Variants in LAMA4 observed in about 807,000 individuals in gnomAD.
LAMA4 encodes laminin subunit alpha-4.
A neutral mutation model predicts 207.1 loss-of-function variants in LAMA4; 127 were observed. The observed-to-expected ratio is 0.61, with a 90% CI of 0.53 to 0.71. LAMA4 has a LOEUF of 0.71. LAMA4 is among the 30% of genes least tolerant of loss of function. The pLI is 0.00. For missense variants in LAMA4, 2,093 were observed against 2,246.5 expected (o/e 0.93, Z 1.38); for synonymous variants, 761 against 816.0 (o/e 0.93, Z 1.15).
chr6:112,202,964 G>A (rs552043411), intron 4 of LAMA4, among the ~76,000 whole-genome samples: 2 of 152,210 alleles, frequency 1.3e-5, no homozygotes, highest in South Asian at 2.1e-4. Flanking sequence ...TAACTGGAGC[G>A]ATTTCCATAG....
chr6:112,210,405 G>C (rs979457586), intron 3 of LAMA4, among the ~76,000 whole-genome samples: 1 of 152,114 alleles, frequency 6.6e-6, no homozygotes. Flanking sequence ...TGAACTTTTA[G>C]CCAGTGGTTA....
intron 12 of LAMA4, chr6:112,172,155 T>C: frequency 4.8e-6 from 1 of 207,442 alleles, no homozygotes; most frequent in East Asian, 1.3e-4. Flanking sequence ...CCTCCTCACC[T>C]TCCTCTTTGC....
intron 2 of LAMA4, among the ~76,000 whole-genome samples, chr6:112,241,152 T>TATATATATTA (rs1554187615): frequency 2.0e-5 from 2 of 98,486 alleles, no homozygotes; most frequent in Non-Finnish European, 4.0e-5. Context: ...TATATATGAA[T>TATATATATTA]ATATATATGA....
intron 6 of LAMA4, among the ~76,000 whole-genome samples, chr6:112,190,942 T>TCCTTC (rs1491426184): frequency 2.1e-4 from 12 of 56,892 alleles, no homozygotes; most frequent in South Asian, 8.1e-4. Context: ...TTTCTTTCTT[T>TCCTTC]CTTTCCTTTC....
chr6:112,217,223 C>G (rs974895004), intron 2 of LAMA4, among the ~76,000 whole-genome samples: 2 of 152,150 alleles, frequency 1.3e-5, no homozygotes, highest in Non-Finnish European at 2.9e-5. Flanking sequence ...CTGCCCTCCC[C>G]AGATATCATT....
chr6:112,183,825 C>A (rs782332144), intron 9 of LAMA4, among the ~76,000 whole-genome samples: 3 of 151,612 alleles, frequency 2.0e-5, no homozygotes, highest in Non-Finnish European at 4.4e-5. Flanking sequence ...GTGGTGTGTG[C>A]CTGTAATCCC....
At chr6:112,226,960 A>C (rs1785248132) in intron 2 of LAMA4, among the ~76,000 whole-genome samples, 1 of 152,096 alleles carries the variant, frequency 6.6e-6, no homozygotes, top group Non-Finnish European at 1.5e-5. Context: ...ATGAAGAAAG[A>C]AATAGGAATC....
At chr6:112,140,466 C>CGT (rs1779624461) in intron 22 of LAMA4, among the ~76,000 whole-genome samples, 1 of 152,156 alleles carries the variant, frequency 6.6e-6, no homozygotes, top group Admixed American at 6.5e-5. Flanking sequence ...CCACAAGCTA[C>CGT]GGACCTTCCT....
At chr6:112,122,439 G>A (rs1289697106) in intron 31 of LAMA4, among the ~76,000 whole-genome samples, 1 of 152,236 alleles carries the variant, frequency 6.6e-6, no homozygotes, top group East Asian at 1.9e-4. Context: ...CTTCCGCATG[G>A]TAGTAAAGCA....
At chr6:112,191,988 C>T (rs1369884779) in intron 5 of LAMA4, 138 bp from the exon 6 acceptor site, 2 of 771,028 alleles carry the variant, frequency 2.6e-6, no homozygotes, top group Non-Finnish European at 4.4e-6. Context: ...CTCTCATCTT[C>T]TTCATAGGAC....
At chr6:112,196,510 GT>G (rs1783426681) in intron 5 of LAMA4, 1 of 152,180 alleles carries the variant, frequency 6.6e-6, no homozygotes, top group Admixed American at 6.5e-5. Flanking sequence ...TCTCTGGGTT[GT>G]TCCAATTTTA....
chr6:112,135,894 A>G (rs1554331377), intron 25 of LAMA4: 4 of 462,528 alleles, frequency 8.6e-6, no homozygotes, highest in Non-Finnish European at 1.6e-5. Context: ...ATTAAAAGGA[A>G]TCTTTCAGTG....
intron 34 of LAMA4, 129 bp downstream of exon 34, chr6:112,119,027 C>A (rs1778192190): frequency 5.5e-6 from 5 of 912,416 alleles, no homozygotes; most frequent in Admixed American, 2.0e-5. Context: ...ACTTTGATAT[C>A]CCATTTCCAG....
intron 17 of LAMA4, chr6:112,150,296 G>C (rs1227688276): frequency 1.8e-6 from 1 of 547,688 alleles, no homozygotes; most frequent in Non-Finnish European, 3.3e-6. Flanking sequence ...CAAATCTAAA[G>C]GTCACCTCTA....
chr6:112,130,159 G>A, intron 29 of LAMA4, 119 bp from the exon 30 acceptor site: 1 of 842,082 alleles, frequency 1.2e-6, no homozygotes, highest in Non-Finnish European at 2.0e-6. Flanking sequence ...TTAATGAAAA[G>A]ACAGCGAGTT....
chr6:112,161,807 A>G (rs1202789617), intron 13 of LAMA4, among the ~76,000 whole-genome samples: 2 of 152,190 alleles, frequency 1.3e-5, no homozygotes, highest in Non-Finnish European at 2.9e-5. Flanking sequence ...AGGTGCAGAA[A>G]TCCTGAGGCA....
chr6:112,229,001 CT>C (rs1304925804), intron 2 of LAMA4, among the ~76,000 whole-genome samples: 47 of 152,302 alleles, frequency 3.1e-4, no homozygotes, highest in African/African-American at 1.1e-3. Flanking sequence ...ACCTGATTCA[CT>C]TTCTTTCTCA....
At chr6:112,213,815 A>T (rs2115049463) in intron 3 of LAMA4, 1 of 395,094 alleles carries the variant, frequency 2.5e-6, no homozygotes, top group Non-Finnish European at 4.5e-6. Flanking sequence ...GCAGATACAG[A>T]GGTCTTATAT....
At chr6:112,226,827 A>G (rs1554362680) in intron 2 of LAMA4, among the ~76,000 whole-genome samples, 2 of 152,226 alleles carry the variant, frequency 1.3e-5, no homozygotes, top group African/African-American at 4.8e-5. Flanking sequence ...TTTAAATACA[A>G]TATTGAGGAA....
Sources: allele counts gnomAD v4.1 joint callset (sites outside exome capture counted in the v4.1 genomes callset), GRCh38; gene constraint gnomAD v4.1.1; transcripts MANE v1.5; gene names NCBI Gene and HGNC (gene_info 2026-07-23, HGNC 2026-07-21).